PSCA: variants seen among roughly 807,000 people sequenced by gnomAD.
The protein encoded by PSCA is prostate stem cell antigen.
In PSCA, 7 loss-of-function variants were observed where a neutral mutation model predicts 7.9. The observed-to-expected ratio is 0.89, with a 90% confidence interval of 0.51 to 1.67. The LOEUF (loss-of-function observed/expected upper bound fraction) is 1.67, where lower values mean the gene tolerates loss of function less well. Among genes scored for constraint, PSCA ranks in the 40% most tolerant of loss-of-function variants. The pLI is 0.00. For synonymous variants in PSCA, 61 were observed against 68.3 expected (o/e 0.89, Z 0.53); for missense variants, 151 against 147.9 (o/e 1.02, Z -0.11).
chr8:142,671,475 G>A (rs180685932), intron 1 of PSCA, among the ~76,000 whole-genome samples: 74 of 152,320 alleles, frequency 4.9e-4, no homozygotes, highest in African/African-American at 1.7e-3. Flanking sequence ...ATATAAATTT[G>A]TATTGTTTTG....
chr8:142,672,382 G>A (rs1320534915), intron 1 of PSCA, among the ~76,000 whole-genome samples: 3 of 152,192 alleles, frequency 2.0e-5, no homozygotes, highest in Non-Finnish European at 2.9e-5. Context: ...AAACTTAGCA[G>A]CTTGAAACCA....
chr8:142,674,222 C>T (rs1414007469), intron 1 of PSCA, among the ~76,000 whole-genome samples: 2 of 147,556 alleles, frequency 1.4e-5, no homozygotes, highest in African/African-American at 2.5e-5. Context: ...TAATGAATAA[C>T]GGCTGGGAAT....
chr8:142,678,598 T>C (rs1490621367), upstream of PSCA, among the ~76,000 whole-genome samples: 1 of 152,220 alleles, frequency 6.6e-6, no homozygotes, highest in African/African-American at 2.4e-5. Flanking sequence ...GAAGCCTGGC[T>C]GACGGGACCT....
In PSCA at chr8:142,682,226, G is replaced by C. The variant is rs1408901123; in HGVS notation, c.*94G>C. ...ACCCGGCCCAGTGGGAGCCTGTCCTGGTTCCTGAGGCACATCCTAACGCAA... is the reference window on the plus strand; with the variant it reads ...ACCCGGCCCAGTGGGAGCCTGTCCTCGTTCCTGAGGCACATCCTAACGCAA... On this transcript the variant is annotated 3_prime_UTR_variant, in exon 3 of 3. Coordinates refer to ENST00000301258, the MANE Select transcript of PSCA (RefSeq NM_005672.5). 2.8e-6 allele frequency: 4 copies of C among 1,408,176 alleles called. No homozygotes were observed. The highest frequency in any genetic ancestry group is 2.5e-5 in the East Asian group (1 of 40,522). 87.2% of individuals were successfully genotyped at this position (1,408,176 alleles called of 1,614,324 possible). A position where few individuals can be genotyped will look rare whatever the true frequency, so the allele number is the denominator to read the frequency against.
chr8:142,681,422 A>T lies in PSCA; in HGVS notation c.121A>T (p.Thr41Ser), dbSNP rs1282514113. 2 of 1,589,704 alleles carry T rather than the reference A, an allele frequency of 1.3e-6. No homozygotes were observed. The highest frequency in any genetic ancestry group is 3.5e-5 in the Admixed American group (2 of 56,864). ...CACCCAGCTGGGGGAGCAGTGCTGG[A>T]CCGCGCGCATCCGTGAGTGGGGGGA... ...NCTQLGEQCW[T>S]ARIRAVGLLT... The change falls in exon 2 of 3, where the codon ACC (threonine) becomes TCC (serine). Residue 41 changes from threonine (T) to serine (S), a missense_variant. Thr to Ser is a moderately conservative substitution (Grantham distance 58). Transcript: ENST00000301258.
intron 1 of PSCA, among the ~76,000 whole-genome samples, chr8:142,675,110 C>T (rs1210117578): frequency 2.0e-5 from 3 of 152,220 alleles, no homozygotes; most frequent in Non-Finnish European, 4.4e-5. Flanking sequence ...ACAGGCCTCT[C>T]ATAGCAGGGG....
Position 142,681,016 on chromosome 8 carries a change from G to A in PSCA, c.26-311G>A. The A allele has an allele frequency of 4.3e-6, 2 of 460,964 alleles. 1 individual carries two copies. Among genetic ancestry groups the A allele is most frequent in the South Asian group, 5.2e-5 (2 of 38,438 alleles). The allele number at this position is 460,964 out of a possible 1,614,324, so 28.6% of individuals were successfully genotyped here. ...AGTCCCAGCACTGCAGCTTCCAAGG[G>A]TCCCAGGGAGCTGCTCTGCTTGAGG... On this transcript the variant is annotated intron_variant, in intron 1 of 2. Coordinates refer to ENST00000301258, the MANE Select transcript of PSCA (RefSeq NM_005672.5).
chr8:142,681,024 G>A, intron 1 of PSCA: 2 of 471,628 alleles, frequency 4.2e-6, no homozygotes, highest in Non-Finnish European at 7.8e-6. Context: ...GGGTCCCAGG[G>A]AGCTGCTCTG....
upstream of PSCA, among the ~76,000 whole-genome samples, chr8:142,677,922 C>T (rs1051805607): frequency 1.1e-4 from 16 of 152,154 alleles, no homozygotes; most frequent in Non-Finnish European, 2.2e-4. Context: ...CTCAGAAGGA[C>T]AGGGGCTGAC....
upstream of PSCA, chr8:142,676,505 TG>T: frequency 6.6e-6 from 1 of 152,400 alleles, no homozygotes; most frequent in East Asian, 1.9e-4. Flanking sequence ...TGGGTGCTGC[TG>T]GTGGGGAGTG....
chr8:142,672,396 GTT>G (rs1847343618), intron 1 of PSCA, among the ~76,000 whole-genome samples: 1 of 152,210 alleles, frequency 6.6e-6, no homozygotes, highest in Admixed American at 6.5e-5. Flanking sequence ...GAAACCAACT[GTT>G]TTTATTGCAG....
intron 1 of PSCA, among the ~76,000 whole-genome samples, chr8:142,671,511 T>A (rs1406386894): frequency 6.6e-6 from 1 of 152,216 alleles, no homozygotes; most frequent in Non-Finnish European, 1.5e-5. Flanking sequence ...GGTAATTTGT[T>A]AGGACAGCAA....
chr8:142,682,260 A>G lies in PSCA; in HGVS notation c.*128A>G. The G allele has an allele frequency of 1.7e-6, 2 of 1,187,780 alleles. No individual in the cohort carries two copies. The highest frequency in any genetic ancestry group is 5.1e-5 in the East Asian group (2 of 39,354). 73.6% of individuals were successfully genotyped at this position (1,187,780 alleles called of 1,614,324 possible). A position where few individuals can be genotyped will look rare whatever the true frequency, so the allele number is the denominator to read the frequency against. ...GGCACATCCTAACGCAAGTCTGACC[A>G]TGTATGTCTGCGCCCCTGTCCCCCA... On this transcript the variant is annotated 3_prime_UTR_variant, in exon 3 of 3. Coordinates refer to ENST00000301258, the MANE Select transcript of PSCA (RefSeq NM_005672.5).
intron 1 of PSCA, among the ~76,000 whole-genome samples, chr8:142,674,150 A>C (rs587657176): frequency 1.4e-5 from 2 of 146,202 alleles, no homozygotes; most frequent in South Asian, 4.5e-4. Flanking sequence ...CATCTTCCTA[A>C]TGAATAACGG....
intron 2 of PSCA, chr8:142,681,699 A>T: frequency 1.7e-6 from 1 of 602,358 alleles, no homozygotes; most frequent in Non-Finnish European, 3.0e-6. Context: ...TCACTTACTC[A>T]CTCACCCCAT....
At chr8:142,678,577 G>A (rs1449218405), upstream of PSCA, among the ~76,000 whole-genome samples, 4 of 152,232 alleles carry the variant, frequency 2.6e-5, no homozygotes, top group South Asian at 2.1e-4. Context: ...GCCAGAACCC[G>A]GGGGACAGGA....
At chr8:142,681,835 G>A (rs1486366657) in intron 2 of PSCA, 86 bp from the exon 3 acceptor site, 10 of 928,974 alleles carry the variant, frequency 1.1e-5, no homozygotes, top group Non-Finnish European at 1.6e-5. Context: ...AGAGCATTAG[G>A]CAGGGTGGGA....
chr8:142,679,961 C>T (rs1847442021), upstream of PSCA: 1 of 152,676 alleles, frequency 6.5e-6, no homozygotes, highest in Non-Finnish European at 1.5e-5. Flanking sequence ...GAGGGTTCCA[C>T]TCAGATGGCT....
In PSCA at chr8:142,682,049, G is replaced by A. The variant is rs1814655907; in HGVS notation, c.262G>A (p.Ala88Thr). 6.2e-7 allele frequency: 1 copy of A among 1,611,918 alleles called. No homozygotes were observed. The highest frequency in any genetic ancestry group is 8.5e-7 in the Non-Finnish European group (1 of 1,179,792). ...CACCGACTTGTGCAACGCCAGCGGGGCCCATGCCCTGCAGCCGGCTGCTGC... is the reference window on the plus strand; with the variant it reads ...CACCGACTTGTGCAACGCCAGCGGGACCCATGCCCTGCAGCCGGCTGCTGC... ...CDTDLCNASGAHALQPAAAIL... is the reference protein window; with the variant it reads ...CDTDLCNASGTHALQPAAAIL... The change falls in exon 3 of 3, where the codon GCC becomes ACC. Residue 88 changes from alanine to threonine, a missense_variant. Ala to Thr is a moderately conservative substitution (Grantham distance 58). Coordinates refer to ENST00000301258, the MANE Select transcript of PSCA (RefSeq NM_005672.5).
Sources: allele counts gnomAD v4.1 joint callset (sites outside exome capture counted in the v4.1 genomes callset), GRCh38; gene constraint gnomAD v4.1.1; transcripts MANE v1.5; gene names NCBI Gene and HGNC (gene_info 2026-07-23, HGNC 2026-07-21).